The following MICAL3 variants were observed in gnomAD, a reference collection of about 807,000 sequenced individuals.
The protein encoded by MICAL3 is [F-actin]-monooxygenase MICAL3.
MICAL3 carries 62 observed loss-of-function variants against 207.4 expected under a neutral mutation model. The ratio of observed to expected loss-of-function variants is 0.30; its 90% CI spans 0.24 to 0.37. The LOEUF is 0.37. MICAL3 is among the 10% of genes least tolerant of loss of function. MICAL3 has a pLI of 1.00. For synonymous variants in MICAL3, 1,077 were observed against 1,069.3 expected (o/e 1.01, Z -0.14); for missense variants, 2,368 against 2,635.6 (o/e 0.90, Z 2.22).
rs1198526366 is a variant in MICAL3 at position 17,790,580 on chromosome 22, G to A, written c.*152C>T. ...TGTCACCTGGGGCTCCCCACTGCAC[G>A]CGGGACTCGACCACTTTCCAAGCAG... On this transcript the variant is annotated 3_prime_UTR_variant, in exon 32 of 32. Coordinates refer to ENST00000441493, the MANE Select transcript of MICAL3 (RefSeq NM_015241.3). 2 of 698,030 alleles carry A rather than the reference G, an allele frequency of 2.9e-6. No individual in the cohort carries two copies. The highest frequency in any genetic ancestry group is 1.8e-5 in the African/African-American group (1 of 55,716). The allele number at this position is 698,030 out of a possible 1,614,324, so 43.2% of individuals were successfully genotyped here.
chr22:17,998,183 A>T (rs1378256732), intron 1 of MICAL3, among the ~76,000 whole-genome samples: 1 of 151,968 alleles, frequency 6.6e-6, no homozygotes, highest in African/African-American at 2.4e-5. Context: ...AGGTGCCTGT[A>T]GTCCCAGCTA....
At chr22:17,859,625 C>T (rs1602072769) in intron 19 of MICAL3, among the ~76,000 whole-genome samples, 1 of 152,256 alleles carries the variant, frequency 6.6e-6, no homozygotes, top group East Asian at 1.9e-4. Flanking sequence ...GAGAAATCAG[C>T]TCAGGAAGAA....
At chr22:17,892,613 T>C (rs1437416863) in intron 11 of MICAL3, among the ~76,000 whole-genome samples, 2 of 152,228 alleles carry the variant, frequency 1.3e-5, no homozygotes, top group Non-Finnish European at 2.9e-5. Flanking sequence ...CTGTCTCCTA[T>C]GTGTATATCC....
chr22:17,870,410 G>A (rs797015508), intron 17 of MICAL3, among the ~76,000 whole-genome samples: 23 of 152,230 alleles, frequency 1.5e-4, no homozygotes, highest in African/African-American at 5.1e-4. Context: ...CACTCGTGTC[G>A]CCTGCTACTC....
At chr22:17,860,646 A>C in intron 19 of MICAL3, 2 of 985,522 alleles carry the variant, frequency 2.0e-6, no homozygotes, top group Non-Finnish European at 1.2e-6. Context: ...AACTCAGTGG[A>C]GCCAGACAGG....
At chr22:17,845,321 T>G (rs1924513562) in intron 19 of MICAL3, among the ~76,000 whole-genome samples, 1 of 152,184 alleles carries the variant, frequency 6.6e-6, no homozygotes, top group Non-Finnish European at 1.5e-5. Flanking sequence ...AGGCGTCTGT[T>G]TGACGTGGGT....
In MICAL3 at chr22:18,017,503, C is replaced by T. The variant is rs553078654; in HGVS notation, c.-75+6778G>A. On this transcript the variant is annotated intron_variant, in intron 1 of 31. Coordinates refer to ENST00000441493, the MANE Select transcript of MICAL3 (RefSeq NM_015241.3). Reference sequence around the variant, plus strand: ...GTGCTGGGATTACAGGCATGAGCCACCGTGCCTGGCCTAACAGAGGTTAAC... The same window carrying T: ...GTGCTGGGATTACAGGCATGAGCCATCGTGCCTGGCCTAACAGAGGTTAAC... 9.8e-4 allele frequency among the ~76,000 whole-genome samples: 149 copies of T among 152,058 alleles called. 1 individual carries two copies. Among genetic ancestry groups the T allele is most frequent in the Admixed American group, 1.7e-3 (26 of 15,282 alleles).
intron 27 of MICAL3, 111 bp downstream of exon 27, chr22:17,816,579 G>T (rs1921020341): frequency 5.9e-6 from 5 of 841,638 alleles, no homozygotes; most frequent in East Asian, 2.7e-5. Flanking sequence ...TGCGCCACTA[G>T]CTGTCCATCC....
At chr22:17,833,484 G>A (rs1374455216) in intron 20 of MICAL3, among the ~76,000 whole-genome samples, 1 of 152,234 alleles carries the variant, frequency 6.6e-6, no homozygotes, top group Non-Finnish European at 1.5e-5. Flanking sequence ...GTGTGTGAGA[G>A]GGCGAACCAG....
intron 1 of MICAL3, among the ~76,000 whole-genome samples, chr22:17,978,290 A>T (rs9605466): frequency 0.27 from 40,922 of 152,122 alleles, 5,957 homozygotes; most frequent in African/African-American, 0.37. Context: ...AGCCAGTTAC[A>T]AAAGGGCAAA....
chr22:17,839,433 T>C (rs1156493875), intron 20 of MICAL3, among the ~76,000 whole-genome samples: 2 of 151,196 alleles, frequency 1.3e-5, no homozygotes, highest in Non-Finnish European at 2.9e-5. Flanking sequence ...GTTTTTGTAT[T>C]TTTAGTAGAG....
intron 20 of MICAL3, among the ~76,000 whole-genome samples, chr22:17,837,945 G>A (rs184376442): frequency 8.1e-4 from 123 of 152,290 alleles, no homozygotes; most frequent in African/African-American, 2.8e-3. Flanking sequence ...GCCTCCTGAG[G>A]AGCTGGGACC....
chr22:17,938,688 G>C (rs1201952957), intron 1 of MICAL3, among the ~76,000 whole-genome samples: 1 of 152,114 alleles, frequency 6.6e-6, no homozygotes, highest in Non-Finnish European at 1.5e-5. Flanking sequence ...AGGACTAAAC[G>C]GAAGCGTGGC....
intron 16 of MICAL3, chr22:17,884,177 G>C: frequency 1.4e-6 from 1 of 704,544 alleles, no homozygotes; most frequent in Non-Finnish European, 2.3e-6. Context: ...TCATGAGCTA[G>C]GATTCCAGAG....
intron 10 of MICAL3, among the ~76,000 whole-genome samples, chr22:17,894,976 C>CCT (rs1930704094): frequency 6.6e-6 from 1 of 152,116 alleles, no homozygotes; most frequent in African/African-American, 2.4e-5. Flanking sequence ...GTGGAAGTTA[C>CCT]CTCTCCTCAC....
chr22:17,927,435 A>G (rs1932974707), intron 1 of MICAL3, among the ~76,000 whole-genome samples: 2 of 152,112 alleles, frequency 1.3e-5, no homozygotes, highest in South Asian at 4.2e-4. Flanking sequence ...TTCCCATACT[A>G]TGTTTCTTCC....
rs576569088 is a variant in MICAL3, at chr22:17,795,464, G to A, written c.5651-4163C>T. On this transcript the variant is annotated intron_variant, in intron 29 of 31. Transcript: ENST00000441493. ...AAAAGGAAGAGGCAGGCGCCTGCAC[G>A]GGTAATAATTACAACACGTGTTTCT... is the stretch of plus-strand genomic sequence containing the variant. Among the ~76,000 whole-genome samples, 119 of 152,296 alleles carry A rather than the reference G, an allele frequency of 7.8e-4. 1 individual carries two copies. Among genetic ancestry groups the A allele is most frequent in the Non-Finnish European group, 6.5e-4 (44 of 68,028 alleles).
chr22:17,867,584 C>T (rs887011857), intron 17 of MICAL3, among the ~76,000 whole-genome samples: 1 of 152,240 alleles, frequency 6.6e-6, no homozygotes, highest in Non-Finnish European at 1.5e-5. Flanking sequence ...GACCTTCCAC[C>T]ACCAGTAACA....
intron 20 of MICAL3, among the ~76,000 whole-genome samples, chr22:17,838,282 C>T (rs539765015): frequency 4.6e-5 from 7 of 152,326 alleles, no homozygotes; most frequent in East Asian, 1.9e-4. Flanking sequence ...CTCAGCCCAA[C>T]GTGTTGTGCT....
Sources: allele counts gnomAD v4.1 joint callset (sites outside exome capture counted in the v4.1 genomes callset), GRCh38; gene constraint gnomAD v4.1.1; transcripts MANE v1.5; gene names NCBI Gene and HGNC (gene_info 2026-07-23, HGNC 2026-07-21).